Variants in RORA observed in about 807,000 individuals in gnomAD.
RORA encodes the protein nuclear receptor ROR-alpha.
In RORA, 7 loss-of-function variants were observed where a neutral mutation model predicts 69.5. That is an observed-to-expected ratio of 0.10 (90% CI 0.06 to 0.19). The LOEUF (loss-of-function observed/expected upper bound fraction) is 0.19, where lower values mean the gene tolerates loss of function less well. Among genes scored for constraint, RORA ranks in the 10% least tolerant of loss-of-function variants. The probability of loss-of-function intolerance (pLI) is 1.00; values close to 1 mark genes in which losing one functional copy is unlikely to be tolerated. For synonymous variants in RORA, 261 were observed against 240.8 expected (o/e 1.08, Z -0.78); for missense variants, 457 against 663.0 (o/e 0.69, Z 3.41).
At chr15:60,798,950 T>A (rs888030754) in intron 1 of RORA, among the ~76,000 whole-genome samples, 1 of 151,060 alleles carries the variant, frequency 6.6e-6, no homozygotes, top group African/African-American at 2.4e-5. Flanking sequence ...TTTTTTTTTT[T>A]TAAACTCAAG....
chr15:61,211,503 C>A lies in RORA; in HGVS notation c.166+17550G>T, dbSNP rs1045149814. Among the ~76,000 whole-genome samples, 3 of 152,212 alleles carry A rather than the reference C, an allele frequency of 2.0e-5. No homozygotes were observed. In the East Asian group the frequency reaches 5.8e-4, roughly 29 times the overall value. ...TGATATTTTCCCAGTTTCGCCCACA[C>A]CATAAAAAACAGGCTTTCCTTTTAA... On this transcript the variant is annotated intron_variant, in intron 1 of 10. Transcript: ENST00000335670.
chr15:60,533,783 C>G (rs917922274), intron 2 of RORA, among the ~76,000 whole-genome samples: 3 of 152,158 alleles, frequency 2.0e-5, no homozygotes, highest in South Asian at 4.1e-4. Context: ...AGTCCTTGAA[C>G]CACCTGTTAA....
intron 1 of RORA, among the ~76,000 whole-genome samples, chr15:61,058,548 G>A (rs1182325747): frequency 6.6e-6 from 1 of 152,132 alleles, no homozygotes; most frequent in Non-Finnish European, 1.5e-5. Context: ...GGGGTAATCT[G>A]AAGAACGTCA....
intron 1 of RORA, among the ~76,000 whole-genome samples, chr15:60,824,966 C>T (rs2072937838): frequency 6.6e-6 from 1 of 152,174 alleles, no homozygotes; most frequent in Admixed American, 6.5e-5. Context: ...TAAAGACAGT[C>T]CAAATGGGCT....
intron 1 of RORA, among the ~76,000 whole-genome samples, chr15:60,891,369 T>C (rs984275094): frequency 7.9e-5 from 12 of 152,158 alleles, no homozygotes; most frequent in African/African-American, 2.9e-4. Flanking sequence ...CAGATGTACA[T>C]ACAAAGTAGA....
rs143579449 is a variant in RORA at position 60,560,998 on chromosome 15, C to T, written c.197-29147G>A. 1.9e-4 allele frequency among the ~76,000 whole-genome samples: 29 copies of T among 151,156 alleles called. No homozygotes were observed. In the East Asian group the frequency reaches 5.0e-3, roughly 26 times the overall value. On this transcript the variant is annotated intron_variant, in intron 2 of 10. Coordinates refer to ENST00000335670, the MANE Select transcript of RORA (RefSeq NM_134261.3). ...CTGTACTCCCACATGAGCACACACA[C>T]GTTGGCAGTGATGTTTTAAAATGTA...
At chr15:60,979,642 T>G (rs1373333728) in intron 1 of RORA, among the ~76,000 whole-genome samples, 1 of 152,172 alleles carries the variant, frequency 6.6e-6, no homozygotes, top group African/African-American at 2.4e-5. Context: ...TCATTGTAAG[T>G]GTATAGAAAG....
At chr15:60,941,611 G>A (rs987876105) in intron 1 of RORA, among the ~76,000 whole-genome samples, 3 of 152,238 alleles carry the variant, frequency 2.0e-5, no homozygotes, top group Non-Finnish European at 4.4e-5. Flanking sequence ...GGTGTTCTTG[G>A]AAGATCTCCA....
chr15:61,069,670 C>T (rs1283894212), intron 1 of RORA, among the ~76,000 whole-genome samples: 3 of 151,052 alleles, frequency 2.0e-5, no homozygotes, highest in Non-Finnish European at 4.4e-5. Context: ...CCAAGCAAAA[C>T]TAGAACAGCT....
intron 2 of RORA, chr15:60,677,090 T>C (rs1371643400): frequency 2.3e-5 from 10 of 443,046 alleles, no homozygotes; most frequent in African/African-American, 1.2e-4. Flanking sequence ...GTAGGCACAA[T>C]CATCAGCCCC....
In RORA at chr15:60,511,344, A is replaced by G. The variant is rs1479552247; in HGVS notation, c.702T>C (p.Leu234=). The part of the protein sequence containing the change: ...DIQPSPDQSG[L]DINGIKPEPI... ...GTTCTGGTTTGATTCCATTGATATC[A>G]AGACCTGACTGGTCTGGGGAAGGCT... The change falls in exon 5 of 11, where the codon CTT becomes CTC. Residue 234 remains leucine (L), a synonymous_variant. Transcript: ENST00000335670. This position sits in a 1 kb window ranked among gnomAD's most constrained non-coding sequence, Gnocchi z 6.4. 1 of 1,614,198 alleles carries G rather than the reference A, an allele frequency of 6.2e-7. No individual in the cohort carries two copies.
intron 2 of RORA, among the ~76,000 whole-genome samples, chr15:60,566,621 T>A (rs1035262306): frequency 2.0e-5 from 3 of 152,234 alleles, no homozygotes; most frequent in African/African-American, 7.2e-5. Context: ...GATGAATACA[T>A]GGTAGCAACT....
chr15:60,913,856 T>C (rs966791036), intron 1 of RORA, among the ~76,000 whole-genome samples: 5 of 152,290 alleles, frequency 3.3e-5, no homozygotes, highest in South Asian at 2.1e-4. Flanking sequence ...CTTTTGAAAA[T>C]TATCTTTCCT....
At chr15:60,685,977 T>G (rs550448428) in intron 1 of RORA, among the ~76,000 whole-genome samples, 1 of 152,322 alleles carries the variant, frequency 6.6e-6, no homozygotes, top group East Asian at 1.9e-4. Flanking sequence ...ACCAAGGTGC[T>G]TTGGACGCCA....
At chr15:60,653,474 T>C (rs1292842484) in intron 2 of RORA, among the ~76,000 whole-genome samples, 1 of 152,168 alleles carries the variant, frequency 6.6e-6, no homozygotes, top group Non-Finnish European at 1.5e-5. Context: ...AGCCTAGGGC[T>C]CCCGTCCTCA....
At chr15:60,926,345 T>C (rs1413787100) in intron 1 of RORA, among the ~76,000 whole-genome samples, 1 of 152,204 alleles carries the variant, frequency 6.6e-6, no homozygotes, top group Non-Finnish European at 1.5e-5. Flanking sequence ...TGTCTACAGC[T>C]TTCCATAAGC....
At chr15:60,523,119 C>T (rs991895388) in intron 3 of RORA, among the ~76,000 whole-genome samples, 1 of 151,866 alleles carries the variant, frequency 6.6e-6, no homozygotes, top group Non-Finnish European at 1.5e-5. Flanking sequence ...TCCAGTGCTC[C>T]CATTGTGAAT....
At chr15:60,952,143 A>G (rs1893127340) in intron 1 of RORA, among the ~76,000 whole-genome samples, 1 of 151,122 alleles carries the variant, frequency 6.6e-6, no homozygotes, top group Non-Finnish European at 1.5e-5. Flanking sequence ...AATATACGCA[A>G]ATCAATAAAT....
chr15:60,599,631 C>T (rs1172587047), intron 2 of RORA, among the ~76,000 whole-genome samples: 1 of 152,104 alleles, frequency 6.6e-6, no homozygotes, highest in Non-Finnish European at 1.5e-5. Context: ...AAACTAATAA[C>T]GAGCATTTAC....
Sources: allele counts gnomAD v4.1 joint callset (sites outside exome capture counted in the v4.1 genomes callset), GRCh38; gene constraint gnomAD v4.1.1; non-coding constraint Gnocchi (gnomAD v3.1); transcripts MANE v1.5; gene names NCBI Gene and HGNC (gene_info 2026-07-23, HGNC 2026-07-21).